CLSTN2: variants seen among roughly 807,000 people sequenced by gnomAD.
CLSTN2 encodes calsyntenin-2.
A neutral mutation model predicts 101.2 loss-of-function variants in CLSTN2; 48 were observed. The ratio of observed to expected loss-of-function variants is 0.47; its 90% CI spans 0.38 to 0.60. The LOEUF is 0.60. Among genes scored for constraint, CLSTN2 ranks in the 20% least tolerant of loss-of-function variants. The pLI is 0.00. For synonymous variants in CLSTN2, 481 were observed against 463.6 expected (o/e 1.04, Z -0.48); for missense variants, 1,160 against 1,238.2 (o/e 0.94, Z 0.95).
rs998411709 is a variant in CLSTN2, at chr3:140,574,456, C to G, written c.*8203C>G. On this transcript the variant is annotated 3_prime_UTR_variant, in exon 17 of 17. Coordinates refer to ENST00000458420, the MANE Select transcript of CLSTN2 (RefSeq NM_022131.3). The stretch of plus-strand genomic sequence containing the variant: ...AGCATCCCAACTGAGGAGAGAAAAC[C>G]CTAATTTGTTAATGACCCAGCCTTG... 1 of 152,186 alleles carries G rather than the reference C, an allele frequency of 6.6e-6. No homozygotes were observed. The highest frequency in any genetic ancestry group is 1.5e-5 in the Non-Finnish European group (1 of 68,056). The allele number at this position is 152,186 out of a possible 1,614,324, so 9.4% of individuals were successfully genotyped here.
chr3:140,245,262 G>T (rs371020876), intron 2 of CLSTN2, among the ~76,000 whole-genome samples: 1 of 152,146 alleles, frequency 6.6e-6, no homozygotes, highest in African/African-American at 2.4e-5. Context: ...AAGACAAATA[G>T]ATATAAGTTC....
At chr3:140,208,118 CCATT>C (rs2010807496) in intron 2 of CLSTN2, among the ~76,000 whole-genome samples, 2 of 151,918 alleles carry the variant, frequency 1.3e-5, no homozygotes, top group South Asian at 4.1e-4. Context: ...TTTGTCTAAT[CCATT>C]CATGTTTTAT....
intron 2 of CLSTN2, among the ~76,000 whole-genome samples, chr3:140,381,385 C>T (rs1321831382): frequency 6.6e-6 from 1 of 152,128 alleles, no homozygotes; most frequent in East Asian, 1.9e-4. Flanking sequence ...TGGGGGGACA[C>T]ATAATACACC....
At position 140,046,888 on chromosome 3, in the gene CLSTN2, C is replaced by T. The variant is rs939801356; in HGVS notation, c.109+111405C>T. 3.3e-5 allele frequency among the ~76,000 whole-genome samples: 5 copies of T among 152,000 alleles called. No homozygotes were observed. The South Asian group carries it at 1.0e-3, about 32-fold the overall frequency. On this transcript the variant is annotated intron_variant, in intron 1 of 16. Transcript: ENST00000458420. ...TTCCACATTTGAGTGAAGTGCCTGA[C>T]ATTTCTGCATCCCTGCCACTTTGTA...
chr3:140,234,445 G>T (rs544283632), intron 2 of CLSTN2, among the ~76,000 whole-genome samples: 1 of 152,178 alleles, frequency 6.6e-6, no homozygotes. Context: ...TCAGGGTCTC[G>T]GTTTTCGCCT....
chr3:140,341,033 GAC>G (rs1454139278), intron 2 of CLSTN2, among the ~76,000 whole-genome samples: 3 of 152,314 alleles, frequency 2.0e-5, no homozygotes, highest in South Asian at 4.1e-4. Flanking sequence ...TGTCGACGTT[GAC>G]CTTGACCACC....
chr3:139,946,793 C>T (rs1935221888), intron 1 of CLSTN2, among the ~76,000 whole-genome samples: 2 of 152,194 alleles, frequency 1.3e-5, no homozygotes, highest in African/African-American at 2.4e-5. Context: ...CTAGGAGTGC[C>T]CCATCTTTTA....
chr3:140,013,257 G>A lies in CLSTN2; in HGVS notation c.109+77774G>A, dbSNP rs184923835. Among the ~76,000 whole-genome samples, 17 of 152,400 alleles carry A rather than the reference G, an allele frequency of 1.1e-4. 1 individual carries two copies. Among genetic ancestry groups the A allele is most frequent in the Admixed American group, 7.2e-4 (11 of 15,314 alleles). ...CCAGAGAGCCTTGTTGGGAATCCATGAATCTAATTGTGAGTGAGAGAAAGC... is the reference window on the plus strand; with the variant it reads ...CCAGAGAGCCTTGTTGGGAATCCATAAATCTAATTGTGAGTGAGAGAAAGC... On this transcript the variant is annotated intron_variant, in intron 1 of 16. Transcript: ENST00000458420.
intron 1 of CLSTN2, among the ~76,000 whole-genome samples, chr3:139,971,650 G>A (rs907466687): frequency 6.6e-6 from 1 of 152,174 alleles, no homozygotes; most frequent in Admixed American, 6.5e-5. Context: ...CAGAAATTTA[G>A]CATTTCATTC....
At chr3:140,097,341 A>G (rs1029130442) in intron 1 of CLSTN2, among the ~76,000 whole-genome samples, 3 of 152,102 alleles carry the variant, frequency 2.0e-5, no homozygotes, top group African/African-American at 7.2e-5. Context: ...AAACTGAGAG[A>G]TTTAGCAGCC....
chr3:139,941,074 G>A (rs998178241), intron 1 of CLSTN2, among the ~76,000 whole-genome samples: 1 of 152,118 alleles, frequency 6.6e-6, no homozygotes, highest in African/African-American at 2.4e-5. Context: ...ATGTTTATAT[G>A]GAATGGGGTA....
At chr3:139,941,153 T>C (rs9824931) in intron 1 of CLSTN2, among the ~76,000 whole-genome samples, 9,497 of 152,204 alleles carry the variant, frequency 0.062, 340 homozygotes, top group Non-Finnish European at 0.082. Context: ...ATCTAACCCA[T>C]GACTAATTGG....
intron 2 of CLSTN2, among the ~76,000 whole-genome samples, chr3:140,234,594 G>T (rs1187120477): frequency 6.6e-6 from 1 of 152,084 alleles, no homozygotes; most frequent in African/African-American, 2.4e-5. Flanking sequence ...GGTCTTATTT[G>T]CCTGTGTGCT....
At chr3:139,994,568 C>A (rs1476531154) in intron 1 of CLSTN2, among the ~76,000 whole-genome samples, 2 of 152,176 alleles carry the variant, frequency 1.3e-5, no homozygotes, top group African/African-American at 4.8e-5. Context: ...CTACTCTGCC[C>A]TCACTGAGAT....
chr3:140,559,519 A>T (rs1935867415), intron 12 of CLSTN2, among the ~76,000 whole-genome samples: 1 of 123,440 alleles, frequency 8.1e-6, no homozygotes, highest in Non-Finnish European at 1.6e-5. Flanking sequence ...AGAAACACTT[A>T]GTTATGCTGA....
intron 1 of CLSTN2, among the ~76,000 whole-genome samples, chr3:140,076,235 ATTTTCACCTT>A (rs1394446469): frequency 1.3e-5 from 2 of 152,096 alleles, no homozygotes; most frequent in Admixed American, 6.6e-5. Flanking sequence ...CTATGGCAGG[ATTTTCACCTT>A]TTTAAAGGCT....
chr3:140,386,169 A>G (rs2107967527), intron 2 of CLSTN2, among the ~76,000 whole-genome samples: 1 of 152,336 alleles, frequency 6.6e-6, no homozygotes, highest in South Asian at 2.1e-4. Flanking sequence ...CCAATACAGT[A>G]TAATCTGTTA....
chr3:140,309,505 A>G (rs1382847739), intron 2 of CLSTN2, among the ~76,000 whole-genome samples: 1 of 152,052 alleles, frequency 6.6e-6, no homozygotes, highest in Non-Finnish European at 1.5e-5. Flanking sequence ...TAGTCTTACC[A>G]ATAACATCAC....
chr3:140,350,362 T>C (rs1183566659), intron 2 of CLSTN2, among the ~76,000 whole-genome samples: 2 of 152,218 alleles, frequency 1.3e-5, no homozygotes, highest in Non-Finnish European at 2.9e-5. Flanking sequence ...AGCTACAGAA[T>C]TCTGCCTCCA....
Sources: allele counts gnomAD v4.1 joint callset (sites outside exome capture counted in the v4.1 genomes callset), GRCh38; gene constraint gnomAD v4.1.1; transcripts MANE v1.5; gene names NCBI Gene and HGNC (gene_info 2026-07-23, HGNC 2026-07-21).